The following LAMA2 variants were observed in gnomAD, a reference collection of about 807,000 sequenced individuals.
LAMA2 encodes laminin subunit alpha 2, also known as laminin subunit alpha-2.
LAMA2 carries 269 observed loss-of-function variants against 364.8 expected under a neutral mutation model. That is an observed-to-expected ratio of 0.74 (90% CI 0.67 to 0.82). The LOEUF is 0.82. Among genes scored for constraint, LAMA2 ranks in the 40% least tolerant of loss-of-function variants. The probability of loss-of-function intolerance (pLI) is 0.00; values close to 1 mark genes in which losing one functional copy is unlikely to be tolerated. For missense variants in LAMA2, 3,807 were observed against 3,873.2 expected (o/e 0.98, Z 0.45); for synonymous variants, 1,379 against 1,370.6 (o/e 1.01, Z -0.14).
In LAMA2 at chr6:128,987,139, T is replaced by G. The variant is rs13193921; in HGVS notation, c.113-62779T>G. Reference sequence around the variant, plus strand: ...TTAGGATAGTTTGTTTTTTTTTTTTTGTTTTTTTTTTTTTTTTGAGGCAGA... The same window carrying G: ...TTAGGATAGTTTGTTTTTTTTTTTTGGTTTTTTTTTTTTTTTTGAGGCAGA... On this transcript the variant is annotated intron_variant, in intron 1 of 64. Coordinates refer to ENST00000421865, the MANE Select transcript of LAMA2 (RefSeq NM_000426.4). Among the ~76,000 whole-genome samples the G allele has an allele frequency of 8.6e-4, 29 of 33,678 alleles. 1 individual carries two copies. Among genetic ancestry groups the G allele is most frequent in the East Asian group, 1.9e-3 (4 of 2,080 alleles). The allele number at this position is 33,678 out of a possible 152,430, so 22.1% of individuals were successfully genotyped here.
chr6:129,044,645 C>G (rs1006254501), intron 1 of LAMA2, among the ~76,000 whole-genome samples: 1 of 151,124 alleles, frequency 6.6e-6, no homozygotes, highest in Non-Finnish European at 1.5e-5. Flanking sequence ...ATAGTATAAA[C>G]AGAATATTGT....
Position 128,890,261 on chromosome 6 carries a change from A to G in LAMA2, c.112+6904A>G, listed in dbSNP as rs373296438. Among the ~76,000 whole-genome samples the G allele has an allele frequency of 2.6e-5, 4 of 152,296 alleles. No homozygotes were observed. The East Asian group carries it at 5.8e-4, about 22-fold the overall frequency. On this transcript the variant is annotated intron_variant, in intron 1 of 64. Coordinates refer to ENST00000421865, the MANE Select transcript of LAMA2 (RefSeq NM_000426.4). ...TTAGTAGATTAATATAATTATCCTC[A>G]GTTTGTAGAAGGAAAATATGCCCAG...
At chr6:129,205,355 A>G (rs1171125081) in intron 12 of LAMA2, among the ~76,000 whole-genome samples, 6 of 151,298 alleles carry the variant, frequency 4.0e-5, no homozygotes, top group Non-Finnish European at 8.8e-5. Context: ...TCATGCCACT[A>G]CACTCCAGCC....
chr6:129,205,908 C>T (rs1042343464), intron 12 of LAMA2, among the ~76,000 whole-genome samples: 5 of 151,412 alleles, frequency 3.3e-5, no homozygotes, highest in African/African-American at 7.3e-5. Flanking sequence ...ATGTAGTCCC[C>T]ACTACCAGGG....
In LAMA2 at chr6:129,020,119, A is replaced by G. The variant is rs966613608; in HGVS notation, c.113-29799A>G. 1.7e-4 allele frequency among the ~76,000 whole-genome samples: 25 copies of G among 150,014 alleles called. No individual in the cohort carries two copies. In the South Asian group the frequency reaches 5.1e-3, roughly 30 times the overall value. ...AAAAAAAAGAAAAAAAAAAAAAAAA[A>G]GAAGTCTGTGTATAGGGCAGGACGA... On this transcript the variant is annotated intron_variant, in intron 1 of 64. Transcript: ENST00000421865.
rs560129164 is a variant in LAMA2, at chr6:129,228,131, G to C, written c.1783-21981G>C. ...CGTAGGCATGGGACCCTCCGAGCCA[G>C]GTGTGGGATATAATCTCCTGGTGTG... On this transcript the variant is annotated intron_variant, in intron 12 of 64. Coordinates refer to ENST00000421865, the MANE Select transcript of LAMA2 (RefSeq NM_000426.4). Among the ~76,000 whole-genome samples the C allele has an allele frequency of 1.2e-3, 184 of 152,312 alleles. 1 individual carries two copies. The highest frequency in any genetic ancestry group is 5.8e-3 in the East Asian group (30 of 5,180).
chr6:128,929,358 G>T (rs1430448114), intron 1 of LAMA2: 8 of 1,062,866 alleles, frequency 7.5e-6, no homozygotes, highest in Non-Finnish European at 1.0e-5. Flanking sequence ...GTGAGACCTC[G>T]AGAGAATACA....
rs59543848 is a variant in LAMA2 at position 129,066,038 on chromosome 6, G to GTATGTCTTTTTTTTTTTTTTT, written c.396+6143_396+6144insATGTCTTTTTTTTTTTTTTTT. ...TCTTTTGTAAATTGCCCAGTCTCAG[G>GTATGTCTTTTTTTTTTTTTTT]TTTTTTTTTTTTTTTTTTTTTTTTT... On this transcript the variant is annotated intron_variant, in intron 3 of 64. Transcript: ENST00000421865. Among the ~76,000 whole-genome samples, 179 of 37,084 alleles carry GTATGTCTTTTTTTTTTTTTTT rather than the reference G, an allele frequency of 4.8e-3. 19 individuals are homozygous for GTATGTCTTTTTTTTTTTTTTT. The highest frequency in any genetic ancestry group is 0.048 in the Middle Eastern group (2 of 42). 24.3% of individuals were successfully genotyped at this position (37,084 alleles called of 152,430 possible).
rs775297974 is a variant in LAMA2 at position 129,391,567 on chromosome 6, G to A, written c.5148G>A (p.Gly1716=). The change falls in exon 36 of 65, where the codon GGG becomes GGA. Residue 1716 remains glycine (G), a synonymous_variant. Transcript: ENST00000421865. ...AGGCCTTTGAGAGAAATTTGGAAGG[G>A]CTTCAGAAAGAGATTGACCAGATGA... The part of the protein sequence containing the change: ...RDEAFERNLE[G]LQKEIDQMIK... 24 of 1,613,556 alleles carry A rather than the reference G, an allele frequency of 1.5e-5. No homozygotes were observed. Among genetic ancestry groups the A allele is most frequent in the Non-Finnish European group, 1.9e-5 (23 of 1,179,656 alleles).
chr6:129,099,569 A>G (rs9321152), intron 4 of LAMA2, among the ~76,000 whole-genome samples: 1 of 152,104 alleles, frequency 6.6e-6, no homozygotes, highest in Non-Finnish European at 1.5e-5. Context: ...ACATAGTCCA[A>G]ACATCTGAAG....
In LAMA2 at chr6:129,328,402, C is replaced by G. The variant is rs368379507; in HGVS notation, c.4301C>G (p.Ser1434Trp). The G allele has an allele frequency of 1.2e-6, 2 of 1,613,984 alleles. No homozygotes were observed. The highest frequency in any genetic ancestry group is 1.7e-6 in the Non-Finnish European group (2 of 1,180,010). The change falls in exon 29 of 65, where the codon TCG becomes TGG. Residue 1434 changes from serine to tryptophan, a missense_variant. Transcript: ENST00000421865. The stretch of plus-strand genomic sequence containing the variant: ...AGCAGCCTGTGTGACCCTGAAACAT[C>G]GATATGCCAGGTAGTCCTCTGAGCC... ...GHSSLCDPET[S>W]ICQNCQHHTA... is the part of the protein sequence containing the mutation.
chr6:129,478,719 C>A lies in LAMA2; in HGVS notation c.7478C>A (p.Ser2493Tyr). ...CCAGAAGTAAATCTGAAGAAATATT[C>A]CGGCTGCCTCAAAGATATTGAAATT... ...ARPEVNLKKYSGCLKDIEISR... is the reference protein window; with the variant it reads ...ARPEVNLKKYYGCLKDIEISR... The change falls in exon 54 of 65, where the codon TCC (serine) becomes TAC (tyrosine). Residue 2493 changes from serine to tyrosine, a missense_variant. Transcript: ENST00000421865. 1.2e-6 allele frequency: 2 copies of A among 1,613,342 alleles called. No homozygotes were observed. The highest frequency in any genetic ancestry group is 1.7e-6 in the Non-Finnish European group (2 of 1,179,376).
At chr6:128,887,882 AC>A (rs1329298458) in intron 1 of LAMA2, among the ~76,000 whole-genome samples, 1 of 152,140 alleles carries the variant, frequency 6.6e-6, no homozygotes, top group Non-Finnish European at 1.5e-5. Flanking sequence ...ACAAAACAAA[AC>A]AAAACAAAAC....
chr6:128,936,123 G>A (rs189636480), intron 1 of LAMA2, among the ~76,000 whole-genome samples: 3 of 152,324 alleles, frequency 2.0e-5, no homozygotes, highest in African/African-American at 7.2e-5. Flanking sequence ...TGCCACGGTT[G>A]TAAGCTTCCT....
chr6:129,058,415 T>C (rs1379079195), intron 2 of LAMA2, among the ~76,000 whole-genome samples: 4 of 150,836 alleles, frequency 2.7e-5, no homozygotes, highest in Admixed American at 6.6e-5. Flanking sequence ...CCACGCCTCC[T>C]ATTTTCTATC....
chr6:129,185,006 T>C (rs1240132858), intron 10 of LAMA2, among the ~76,000 whole-genome samples: 1 of 151,958 alleles, frequency 6.6e-6, no homozygotes, highest in African/African-American at 2.4e-5. Context: ...TGTTAACTTA[T>C]TTTAATACTA....
intron 62 of LAMA2, among the ~76,000 whole-genome samples, chr6:129,509,714 T>C (rs1786415737): frequency 6.6e-6 from 1 of 152,182 alleles, no homozygotes; most frequent in African/African-American, 2.4e-5. Flanking sequence ...CTGGTCTATG[T>C]GCCTATTTTT....
chr6:129,242,782 A>G (rs974719274), intron 12 of LAMA2, among the ~76,000 whole-genome samples: 10 of 152,116 alleles, frequency 6.6e-5, no homozygotes, highest in Non-Finnish European at 1.5e-4. Context: ...GAATTTCACC[A>G]CTACCATTTA....
chr6:129,165,628 G>A lies in LAMA2; in HGVS notation c.1259G>A (p.Gly420Asp). ...PCQPCHCDPI[G>D]SLNEVCVKDE... ...CAGCCATGTCATTGCGATCCAATTG[G>A]TTCCTTAAATGAAGTCTGTGTCAAG... Residue 420 changes from glycine (G) to aspartate (D), a missense_variant, in exon 9 of 65, where the codon GGT becomes GAT. This residue lies in a region of LAMA2 where 3,333 missense variants were observed against 3,345.7 expected (regional missense o/e 1.00). Coordinates refer to ENST00000421865, the MANE Select transcript of LAMA2 (RefSeq NM_000426.4). 6.2e-7 allele frequency: 1 copy of A among 1,613,434 alleles called. No homozygotes were observed. Among genetic ancestry groups the A allele is most frequent in the Non-Finnish European group, 8.5e-7 (1 of 1,179,632 alleles).
Sources: gnomAD v4.1 joint callset for allele counts (sites outside exome capture counted in the v4.1 genomes callset) on GRCh38, gnomAD v4.1.1 for gene constraint, gnomAD v4.1.1 regional missense constraint, MANE v1.5 for transcripts, NCBI Gene and HGNC (gene_info 2026-07-23, HGNC 2026-07-21) for gene names.